The following SHOC2 variants were observed in gnomAD, a reference collection of about 807,000 sequenced individuals.
SHOC2 encodes the protein SHOC2 leucine rich repeat scaffold protein.
In SHOC2, 4 loss-of-function variants were observed where a neutral mutation model predicts 50.2. That is an observed-to-expected ratio of 0.08 (90% CI 0.04 to 0.18). The LOEUF (loss-of-function observed/expected upper bound fraction) is 0.18. Among genes scored for constraint, SHOC2 ranks in the 10% least tolerant of loss-of-function variants. The pLI, the probability that SHOC2 is intolerant of heterozygous loss-of-function variation, is 1.00. For missense variants in SHOC2, 388 were observed against 669.6 expected, an observed-to-expected ratio of 0.58 and a Z score of 4.64; for synonymous variants, 218 against 244.5, an observed-to-expected ratio of 0.89 and a Z score of 1.01.
intron 1 of SHOC2, among the ~76,000 whole-genome samples, chr10:110,925,187 GT>G (rs1018040188): frequency 1.1e-4 from 16 of 146,504 alleles, no homozygotes; most frequent in East Asian, 2.0e-4. Context: ...TCATGGTAAA[GT>G]TTTTTTTTTG....
chr10:111,009,618 G>A (rs1848531813), intron 7 of SHOC2, 95 bp from the exon 8 acceptor site: 2 of 880,264 alleles, frequency 2.3e-6, no homozygotes, highest in Admixed American at 2.0e-5. Flanking sequence ...TGGTTTCCCT[G>A]TTAATTTATT....
chr10:110,936,528 G>A lies in SHOC2; in HGVS notation c.-235+16871G>A, dbSNP rs1847015666. On this transcript the variant is annotated intron_variant, in intron 1 of 8. Transcript: ENST00000369452. ...GAGAAACAGTAATTTTACTATTGCAGTATTTATCTTGATTAGTCTGCATCA... is the reference window on the plus strand; with the variant it reads ...GAGAAACAGTAATTTTACTATTGCAATATTTATCTTGATTAGTCTGCATCA... 31 of 619,466 alleles carry A rather than the reference G, an allele frequency of 5.0e-5. 2 individuals are homozygous for A. In the South Asian group the frequency reaches 5.7e-4, roughly 11 times the overall value. 38.4% of individuals were successfully genotyped at this position (619,466 alleles called of 1,614,324 possible). A position where few individuals can be genotyped will look rare whatever the true frequency, so the allele number is the denominator to read the frequency against.
At chr10:111,005,897 A>T (rs1848457476) in intron 5 of SHOC2, among the ~76,000 whole-genome samples, 3 of 152,214 alleles carry the variant, frequency 2.0e-5, no homozygotes, top group Admixed American at 6.5e-5. Context: ...TTTAAATTTC[A>T]TCCACACTTG....
chr10:110,968,920 A>C lies in SHOC2; in HGVS notation c.703+3859A>C, dbSNP rs368742124. 3.2e-3 allele frequency among the ~76,000 whole-genome samples: 487 copies of C among 152,330 alleles called. 26 individuals carry two copies. In the South Asian group the frequency reaches 0.093, roughly 29 times the overall value. ...AAGGTTGGGCTATGCTGTTGCCTTG[A>C]TAGGAAAAAAATATTAGAACATTTA... On this transcript the variant is annotated intron_variant, in intron 2 of 8. Coordinates refer to ENST00000369452, the MANE Select transcript of SHOC2 (RefSeq NM_007373.4).
At chr10:110,925,545 C>A (rs1380831376) in intron 1 of SHOC2, among the ~76,000 whole-genome samples, 3 of 152,188 alleles carry the variant, frequency 2.0e-5, no homozygotes, top group African/African-American at 7.2e-5. Context: ...CAGCCCTGAC[C>A]TCCCTGGGCT....
intron 2 of SHOC2, among the ~76,000 whole-genome samples, chr10:110,966,301 T>C (rs1272804709): frequency 1.3e-5 from 2 of 152,118 alleles, no homozygotes; most frequent in African/African-American, 2.4e-5. Flanking sequence ...TCACGAGATA[T>C]TAAAATATTC....
chr10:111,007,926 C>G (rs1432254216), intron 6 of SHOC2, among the ~76,000 whole-genome samples: 1 of 151,772 alleles, frequency 6.6e-6, no homozygotes, highest in African/African-American at 2.4e-5. Context: ...GTAAAAGCAT[C>G]TTTTAGAACA....
Position 110,945,203 on chromosome 10 carries a change from C to T in SHOC2, c.-234-18922C>T, listed in dbSNP as rs183117063. Among the ~76,000 whole-genome samples the T allele has an allele frequency of 1.3e-3, 204 of 152,252 alleles. 1 individual carries two copies. Among genetic ancestry groups the T allele is most frequent in the African/African-American group, 4.0e-3 (168 of 41,554 alleles). On this transcript the variant is annotated intron_variant, in intron 1 of 8. Transcript: ENST00000369452. ...AATGAATATCTCCCTGGGGAAAAGGCGTTTTGCATTGTGCAAGCTCTGAGT... is the reference window on the plus strand; with the variant it reads ...AATGAATATCTCCCTGGGGAAAAGGTGTTTTGCATTGTGCAAGCTCTGAGT...
intron 1 of SHOC2, among the ~76,000 whole-genome samples, chr10:110,940,153 T>A (rs905513693): frequency 1.2e-4 from 18 of 151,736 alleles, no homozygotes; most frequent in Non-Finnish European, 2.2e-4. Context: ...AGGAGAAAAA[T>A]TTTTTTTTGA....
At chr10:111,003,531 TC>T (rs1302928516) in intron 4 of SHOC2, among the ~76,000 whole-genome samples, 1 of 152,176 alleles carries the variant, frequency 6.6e-6, no homozygotes, top group Non-Finnish European at 1.5e-5. Flanking sequence ...CTTTTAGTCT[TC>T]ACTATGGCCC....
At chr10:110,968,549 A>C (rs11592186) in intron 2 of SHOC2, among the ~76,000 whole-genome samples, 8,811 of 151,220 alleles carry the variant, frequency 0.058, 335 homozygotes, top group African/African-American at 0.11. Flanking sequence ...TATATATTAA[A>C]TTTATATTAT....
chr10:110,941,570 G>T (rs1847146270), intron 1 of SHOC2, among the ~76,000 whole-genome samples: 1 of 152,116 alleles, frequency 6.6e-6, no homozygotes, highest in Non-Finnish European at 1.5e-5. Flanking sequence ...GGCCTCAAGT[G>T]ATCCACCTGC....
At chr10:110,945,673 A>G (rs1438498628) in intron 1 of SHOC2, among the ~76,000 whole-genome samples, 3 of 151,774 alleles carry the variant, frequency 2.0e-5, no homozygotes, top group East Asian at 1.9e-4. Context: ...GACTCTCCCT[A>G]TCTCCACCCC....
At chr10:110,997,327 C>T (rs997310136) in intron 3 of SHOC2, among the ~76,000 whole-genome samples, 1 of 152,020 alleles carries the variant, frequency 6.6e-6, no homozygotes, top group Non-Finnish European at 1.5e-5. Flanking sequence ...AACTATAGCT[C>T]TATTCTTATC....
chr10:110,972,424 T>A (rs1847800282), intron 2 of SHOC2, among the ~76,000 whole-genome samples: 1 of 152,138 alleles, frequency 6.6e-6, no homozygotes, highest in Non-Finnish European at 1.5e-5. Flanking sequence ...TAAAGGGAAT[T>A]CATAGTTGTT....
In SHOC2 at chr10:110,964,274, G is replaced by A. The variant is rs915074052; in HGVS notation, c.-85G>A. The A allele has an allele frequency of 7.1e-6, 11 of 1,544,086 alleles. No homozygotes were observed. In the African/African-American group the frequency reaches 8.3e-5, roughly 12 times the overall value. On this transcript the variant is annotated 5_prime_UTR_variant, in exon 2 of 9. Coordinates refer to ENST00000369452, the MANE Select transcript of SHOC2 (RefSeq NM_007373.4). The surrounding 1 kb of genome is among the most constrained non-coding windows in gnomAD (Gnocchi z 4.9). ...TTCAAGCCAGTACTTTTTTGATTGT[G>A]TAGGATCTTTGTCTCTTCATCTTTG... is the stretch of plus-strand genomic sequence containing the variant.
At chr10:110,982,739 T>G (rs1848006453) in intron 2 of SHOC2, among the ~76,000 whole-genome samples, 1 of 152,212 alleles carries the variant, frequency 6.6e-6, no homozygotes, top group Non-Finnish European at 1.5e-5. Context: ...AATATTTTGT[T>G]GAGAATTTTT....
At chr10:110,954,350 G>A (rs991715902) in intron 1 of SHOC2, among the ~76,000 whole-genome samples, 7 of 152,120 alleles carry the variant, frequency 4.6e-5, no homozygotes, top group Admixed American at 2.0e-4. Context: ...GGAATCAGAA[G>A]ACTTGGTCAT....
chr10:110,990,360 C>T (rs529692639), intron 3 of SHOC2, among the ~76,000 whole-genome samples: 7 of 152,280 alleles, frequency 4.6e-5, no homozygotes, highest in African/African-American at 1.4e-4. Context: ...CTGGTGGGGA[C>T]GTGGAGAACC....
Sources: gnomAD v4.1 joint callset for allele counts (sites outside exome capture counted in the v4.1 genomes callset) on GRCh38, gnomAD v4.1.1 for gene constraint, Gnocchi (gnomAD v3.1) non-coding constraint, MANE v1.5 for transcripts, NCBI Gene and HGNC (gene_info 2026-07-23, HGNC 2026-07-21) for gene names.